Variants in UTRN observed in about 807,000 individuals in gnomAD.
UTRN encodes utrophin.
UTRN carries 283 observed loss-of-function variants against 463.9 expected under a neutral mutation model. The ratio of observed to expected loss-of-function variants is 0.61; its 90% CI spans 0.55 to 0.67. The LOEUF is 0.67. Ranked by LOEUF, UTRN falls within the 30% of genes least tolerant of loss-of-function variation. UTRN has a pLI of 0.00. For synonymous variants in UTRN, 1,442 were observed against 1,431.5 expected (o/e 1.01, Z -0.17); for missense variants, 3,922 against 4,084.3 (o/e 0.96, Z 1.08).
At chr6:144,686,038 T>C (rs564839285) in intron 52 of UTRN, among the ~76,000 whole-genome samples, 3 of 152,208 alleles carry the variant, frequency 2.0e-5, no homozygotes, top group Non-Finnish European at 4.4e-5. Context: ...AGGTCTTAGA[T>C]TTAAGTCTTT....
chr6:144,739,704 TC>T lies in UTRN; in HGVS notation c.7940-8541del, dbSNP rs1562844667. Among the ~76,000 whole-genome samples, 17 of 152,180 alleles carry T rather than the reference TC, an allele frequency of 1.1e-4. 1 individual carries two copies. In the South Asian group the frequency reaches 3.5e-3, roughly 31 times the overall value. ...TTTTCTCCATGTCTTCTTCTCTGCT[TC>T]TCTGTACAGGTTTTCATTTTCTTAG... On this transcript the variant is annotated intron_variant, in intron 54 of 74. Transcript: ENST00000367545.
intron 61 of UTRN, among the ~76,000 whole-genome samples, chr6:144,787,497 T>C (rs1776388997): frequency 6.6e-6 from 1 of 152,190 alleles, no homozygotes; most frequent in Admixed American, 6.5e-5. Context: ...TAATATAAAT[T>C]ATAAACTCTA....
chr6:144,850,058 C>T (rs570223679), intron 74 of UTRN, among the ~76,000 whole-genome samples: 1 of 152,304 alleles, frequency 6.6e-6, no homozygotes, highest in East Asian at 1.9e-4. Flanking sequence ...ATGCCTGGAA[C>T]CCATCAGTGT....
chr6:144,626,576 C>G (rs915312896), intron 51 of UTRN, among the ~76,000 whole-genome samples: 1 of 152,246 alleles, frequency 6.6e-6, no homozygotes, highest in African/African-American at 2.4e-5. Context: ...CCACAGCTGC[C>G]TACAGGCCAC....
At chr6:144,646,005 C>G (rs80208351) in intron 51 of UTRN, among the ~76,000 whole-genome samples, 1,806 of 152,254 alleles carry the variant, frequency 0.012, 44 homozygotes, top group African/African-American at 0.041. Context: ...AAATCCTTTT[C>G]TTGTTGATCT....
intron 2 of UTRN, among the ~76,000 whole-genome samples, chr6:144,299,292 G>T (rs909956950): frequency 6.6e-6 from 1 of 152,192 alleles, no homozygotes; most frequent in Non-Finnish European, 1.5e-5. Flanking sequence ...TATAGACAAG[G>T]AAGGCAGGTT....
intron 54 of UTRN, among the ~76,000 whole-genome samples, chr6:144,739,640 C>T (rs1019172543): frequency 7.9e-5 from 12 of 152,252 alleles, no homozygotes; most frequent in East Asian, 1.9e-4. Context: ...ACGGTAGAGA[C>T]GTAGCTGACC....
chr6:144,688,182 C>A (rs1448574455), intron 52 of UTRN, among the ~76,000 whole-genome samples: 1 of 152,054 alleles, frequency 6.6e-6, no homozygotes, highest in Admixed American at 6.5e-5. Context: ...CTTTCCACTG[C>A]GTTTTGTAAT....
chr6:144,622,184 G>GTTGTT lies in UTRN; in HGVS notation c.7479+44898_7479+44899insGTTTT, dbSNP rs1371864579. Among the ~76,000 whole-genome samples, 61 of 88,218 alleles carry GTTGTT rather than the reference G, an allele frequency of 6.9e-4. 1 individual carries two copies. The East Asian group carries it at 0.011, about 16-fold the overall frequency. The allele number at this position is 88,218 out of a possible 152,430, so 57.9% of individuals were successfully genotyped here. A position where few individuals can be genotyped will look rare whatever the true frequency, so the allele number is the denominator to read the frequency against. ...TAGATGGTATCCATTTTTTTTTGTT[G>GTTGTT]TTTTTTTTTTTTTTTTTTTTTGGAG... On this transcript the variant is annotated intron_variant, in intron 51 of 74. Coordinates refer to ENST00000367545, the MANE Select transcript of UTRN (RefSeq NM_007124.3).
chr6:144,355,569 G>C (rs2114670056), intron 2 of UTRN, among the ~76,000 whole-genome samples: 1 of 152,036 alleles, frequency 6.6e-6, no homozygotes, highest in East Asian at 1.9e-4. Flanking sequence ...TACAAAAATA[G>C]CTTTTTTATT....
At chr6:144,701,897 G>C (rs1784630128) in intron 53 of UTRN, among the ~76,000 whole-genome samples, 1 of 151,944 alleles carries the variant, frequency 6.6e-6, no homozygotes, top group South Asian at 2.1e-4. Flanking sequence ...TAGAGAAATA[G>C]CTCCAAGATA....
At position 144,379,309 on chromosome 6, in the gene UTRN, A is replaced by G. The variant is rs578230629; in HGVS notation, c.80-23814A>G. Among the ~76,000 whole-genome samples, 28 of 152,322 alleles carry G rather than the reference A, an allele frequency of 1.8e-4. No individual in the cohort carries two copies. The South Asian group carries it at 4.6e-3, about 25-fold the overall frequency. ...CCAGGAATTTTGAAGTGGTTTAGCT[A>G]GGTGATTCCAGTCCAGGGTCTGTCA... On this transcript the variant is annotated intron_variant, in intron 2 of 74. Coordinates refer to ENST00000367545, the MANE Select transcript of UTRN (RefSeq NM_007124.3).
In UTRN at chr6:144,734,856, C is replaced by G. The variant is rs1223453081; in HGVS notation, c.7939+4370C>G. The stretch of plus-strand genomic sequence containing the variant: ...GAGAAGTCAGATTCTTATAATGGCT[C>G]ACAGACTGTATGCCAGGGGGTGCCA... On this transcript the variant is annotated intron_variant, in intron 54 of 74. Coordinates refer to ENST00000367545, the MANE Select transcript of UTRN (RefSeq NM_007124.3). Among the ~76,000 whole-genome samples the G allele has an allele frequency of 3.9e-5, 6 of 152,158 alleles. 1 individual carries two copies. The highest frequency in any genetic ancestry group is 7.3e-5 in the Non-Finnish European group (5 of 68,032).
chr6:144,731,303 G>A (rs1461349401), intron 54 of UTRN, among the ~76,000 whole-genome samples: 1 of 152,118 alleles, frequency 6.6e-6, no homozygotes, highest in Non-Finnish European at 1.5e-5. Flanking sequence ...AAGAGAAAAT[G>A]TGTAATGAAT....
chr6:144,729,901 T>G (rs1788338416), intron 53 of UTRN, among the ~76,000 whole-genome samples: 1 of 152,240 alleles, frequency 6.6e-6, no homozygotes, highest in African/African-American at 2.4e-5. Context: ...TTTTTCTTAA[T>G]GTATTCTAAA....
chr6:144,465,572 A>G (rs1425897936), intron 23 of UTRN, among the ~76,000 whole-genome samples: 6 of 152,176 alleles, frequency 3.9e-5, no homozygotes, highest in Admixed American at 2.0e-4. Flanking sequence ...TACAGTGTCT[A>G]TATTTCTTAA....
intron 34 of UTRN, among the ~76,000 whole-genome samples, chr6:144,506,928 A>G (rs570670669): frequency 5.3e-4 from 81 of 152,162 alleles, no homozygotes; most frequent in African/African-American, 1.8e-3. Flanking sequence ...GTCTTTTCAC[A>G]TAGTCTCTTA....
intron 2 of UTRN, among the ~76,000 whole-genome samples, chr6:144,310,818 C>T (rs775364524): frequency 6.6e-6 from 1 of 152,202 alleles, no homozygotes; most frequent in Non-Finnish European, 1.5e-5. Flanking sequence ...AGTGTGCAAT[C>T]CCTGAGAAAA....
At chr6:144,704,039 G>A (rs1260952772) in intron 53 of UTRN, among the ~76,000 whole-genome samples, 1 of 152,174 alleles carries the variant, frequency 6.6e-6, no homozygotes, top group Non-Finnish European at 1.5e-5. Context: ...ACAGTGGCAG[G>A]ATGCAATCCA....
Sources: gnomAD v4.1 joint callset for allele counts (sites outside exome capture counted in the v4.1 genomes callset) on GRCh38, gnomAD v4.1.1 for gene constraint, MANE v1.5 for transcripts, NCBI Gene and HGNC (gene_info 2026-07-23, HGNC 2026-07-21) for gene names.